Variants in ARHGEF1 observed in about 807,000 individuals in gnomAD.
ARHGEF1 encodes the protein Rho guanine nucleotide exchange factor 1, also known as 115 kDa guanine nucleotide exchange factor.
Under a neutral mutation model 119.7 loss-of-function variants are expected in ARHGEF1, and 40 were observed. That is an observed-to-expected ratio of 0.33 (90% confidence interval 0.26 to 0.44). ARHGEF1 has a LOEUF of 0.44. ARHGEF1 is among the 20% of genes least tolerant of loss of function. The pLI is 1.00. For synonymous variants in ARHGEF1, 494 were observed against 521.0 expected, an observed-to-expected ratio of 0.95 and a Z score of 0.71; for missense variants, 976 against 1,268.3, an observed-to-expected ratio of 0.77 and a Z score of 3.50.
chr19:41,921,116 C>T (rs2074839629), upstream of ARHGEF1, among the ~76,000 whole-genome samples: 1 of 152,100 alleles, frequency 6.6e-6, no homozygotes. The surrounding 1 kb of genome is among the most constrained non-coding windows in gnomAD (Gnocchi z 4.4). Context: ...TACCAAACAG[C>T]TCTGGGGGAG....
chr19:41,895,253 G>A (rs1261330931), intron 11 of ARHGEF1, 96 bp from the exon 12 acceptor site: 2 of 1,461,708 alleles, frequency 1.4e-6, no homozygotes, highest in Non-Finnish European at 1.8e-6. Flanking sequence ...GTCATGGTGG[G>A]GAAGGGCCTG....
Position 41,903,955 on chromosome 19 carries a change from A to G in ARHGEF1, c.1918-80A>G. ...CCCCAGCCTGTGGTCATCCCCGGCC[A>G]CTGCCCTGCCCTTCCCCTCCCCACC... On this transcript the variant is annotated intron_variant, in intron 20 of 28. Coordinates refer to ENST00000354532, the MANE Select transcript of ARHGEF1 (RefSeq NM_004706.4). The surrounding 1 kb of genome is among the most constrained non-coding windows in gnomAD (Gnocchi z 4.2). The G allele has an allele frequency of 6.9e-7, 1 of 1,449,370 alleles. No individual in the cohort carries two copies. The highest frequency in any genetic ancestry group is 1.2e-5 in the South Asian group (1 of 86,062). The allele number at this position is 1,449,370 out of a possible 1,614,324, so 89.8% of individuals were successfully genotyped here. A position where few individuals can be genotyped will look rare whatever the true frequency, so the allele number is the denominator to read the frequency against.
Position 41,888,221 on chromosome 19 carries a change from G to C in ARHGEF1, c.54G>C (p.Leu18=). 1.2e-6 allele frequency: 2 copies of C among 1,614,114 alleles called. No individual in the cohort carries two copies. The highest frequency in any genetic ancestry group is 8.5e-7 in the Non-Finnish European group (1 of 1,180,010). Residue 18 remains leucine, a synonymous_variant, in exon 3 of 29, where the codon CTG becomes CTC. Coordinates refer to ENST00000354532, the MANE Select transcript of ARHGEF1 (RefSeq NM_004706.4). The surrounding 1 kb of genome is among the most constrained non-coding windows in gnomAD (Gnocchi z 5.1). ...CCCCAGGCCCCTCCCGGCCTGGCCT[G>C]GTTCCCGTCAGCATCATCGGGGCTG... ...AASPGPSRPG[L]VPVSIIGAED... is the part of the protein sequence containing the mutation.
chr19:41,909,886 G>A (rs527841091), downstream of ARHGEF1: 7 of 1,613,000 alleles, frequency 4.3e-6, no homozygotes, highest in Admixed American at 1.7e-5. This position sits in a 1 kb window ranked among gnomAD's most constrained non-coding sequence, Gnocchi z 5.2. Context: ...TCAGCTTGTC[G>A]TAATTCATGT....
chr19:41,910,007 T>C (rs1299808950), downstream of ARHGEF1: 3 of 1,613,750 alleles, frequency 1.9e-6, no homozygotes, highest in African/African-American at 1.3e-5. This position sits in a 1 kb window ranked among gnomAD's most constrained non-coding sequence, Gnocchi z 4.4. Context: ...CTCCTCCTTC[T>C]GCAGCAGCTC....
Position 41,888,552 on chromosome 19 carries a change from A to G in ARHGEF1, c.112-200A>G, listed in dbSNP as rs553732846. 4.1e-4 allele frequency among the ~76,000 whole-genome samples: 62 copies of G among 152,166 alleles called. No individual in the cohort carries two copies. Among genetic ancestry groups the G allele is most frequent in the Non-Finnish European group, 7.5e-4 (51 of 67,980 alleles). On this transcript the variant is annotated intron_variant, in intron 3 of 28. Transcript: ENST00000354532. This position sits in a 1 kb window ranked among gnomAD's most constrained non-coding sequence, Gnocchi z 5.1. The stretch of plus-strand genomic sequence containing the variant: ...CTAATTTCTGTCCTCATCATCCACC[A>G]TTATAATATTAAGTCTCATCCATTC...
In ARHGEF1 at chr19:41,903,503, T is replaced by A; in HGVS notation, c.1839+96T>A. The A allele has an allele frequency of 7.9e-7, 1 of 1,258,582 alleles. No homozygotes were observed. Among genetic ancestry groups the A allele is most frequent in the Non-Finnish European group, 1.1e-6 (1 of 895,362 alleles). 78.0% of individuals were successfully genotyped at this position (1,258,582 alleles called of 1,614,324 possible). ...CTGTCCAGAAGTCACACCCCACCCC[T>A]TGGCTTGTCTCCCTCAAGGGTCACT... On this transcript the variant is annotated intron_variant, in intron 19 of 28. Transcript: ENST00000354532. The surrounding 1 kb of genome is among the most constrained non-coding windows in gnomAD (Gnocchi z 4.2).
At chr19:41,909,559 A>G (rs2074741066), downstream of ARHGEF1, 4 of 1,021,604 alleles carry the variant, frequency 3.9e-6, no homozygotes, top group Admixed American at 3.8e-5. This position sits in a 1 kb window ranked among gnomAD's most constrained non-coding sequence, Gnocchi z 5.2. Flanking sequence ...TGTCCCAGGC[A>G]TGGTGCACAG....
chr19:41,916,878 CCAGACACACT>C lies in ARHGEF1; in HGVS notation c.1866-6213_1866-6204del, dbSNP rs1285746581. Reference sequence around the variant, plus strand: ...CCTGCAGAGGTACACACAGACACACCCAGACACACTGGGTAGGGGTGGGCACTCAGAGATG... The same window carrying C: ...CCTGCAGAGGTACACACAGACACACCGGGTAGGGGTGGGCACTCAGAGATG... On this transcript the variant is annotated intron_variant, in intron 18 of 20. Transcript: ENST00000599589. This position sits in a 1 kb window ranked among gnomAD's most constrained non-coding sequence, Gnocchi z 5.4. Among the ~76,000 whole-genome samples the C allele has an allele frequency of 1.3e-5, 2 of 152,010 alleles. No individual in the cohort carries two copies. The highest frequency in any genetic ancestry group is 1.3e-4 in the Admixed American group (2 of 15,258).
At chr19:41,910,574 A>AG (rs1347308114), downstream of ARHGEF1, among the ~76,000 whole-genome samples, 2 of 151,846 alleles carry the variant, frequency 1.3e-5, no homozygotes, top group Non-Finnish European at 2.9e-5. The surrounding 1 kb of genome is among the most constrained non-coding windows in gnomAD (Gnocchi z 4.4). Context: ...CATTCCCCAG[A>AG]GCCCCCCACT....
In ARHGEF1 at chr19:41,917,385, T is replaced by C. The variant is rs1334502009; in HGVS notation, c.1866-5707T>C. 1.3e-5 allele frequency among the ~76,000 whole-genome samples: 2 copies of C among 151,692 alleles called. No homozygotes were observed. The highest frequency in any genetic ancestry group is 2.9e-5 in the Non-Finnish European group (2 of 67,938). The stretch of plus-strand genomic sequence containing the variant: ...CCCCCCTGGGCTGGGGTTTAACCAG[T>C]TGTTTTGATTTCTCTAAGCTGCGCC... On this transcript the variant is annotated intron_variant, in intron 18 of 20. Transcript: ENST00000599589. The surrounding 1 kb of genome is among the most constrained non-coding windows in gnomAD (Gnocchi z 4.8).
chr19:41,905,497 A>G lies in ARHGEF1; in HGVS notation c.2336+236A>G, dbSNP rs1386313566. The G allele has an allele frequency of 6.5e-6, 4 of 611,866 alleles. No homozygotes were observed. The highest frequency in any genetic ancestry group is 2.9e-5 in the Admixed American group (1 of 34,076). 37.9% of individuals were successfully genotyped at this position (611,866 alleles called of 1,614,324 possible). On this transcript the variant is annotated intron_variant, in intron 24 of 28. Transcript: ENST00000354532. The surrounding 1 kb of genome is among the most constrained non-coding windows in gnomAD (Gnocchi z 6.4). The stretch of plus-strand genomic sequence containing the variant: ...GCGTGTATGGTGTGTGTGTATGCAT[A>G]TGTGTGCATGCGTGTGACAGCATGT...
intron 12 of ARHGEF1, among the ~76,000 whole-genome samples, chr19:41,895,731 C>G (rs889422851): frequency 2.6e-5 from 4 of 152,128 alleles, no homozygotes; most frequent in African/African-American, 9.7e-5. Context: ...TCTCCCACCC[C>G]CTTGGACTAC....
chr19:41,896,705 T>G (rs1599647168), intron 13 of ARHGEF1: 5 of 688,892 alleles, frequency 7.3e-6, no homozygotes, highest in Non-Finnish European at 1.1e-5. Flanking sequence ...TCCTTTTTCC[T>G]CTGCTCCTTC....
chr19:41,903,550 C>T lies in ARHGEF1; in HGVS notation c.1839+143C>T. 5 of 1,096,550 alleles carry T rather than the reference C, an allele frequency of 4.6e-6. No homozygotes were observed. The South Asian group carries it at 5.7e-5, about 12-fold the overall frequency. 67.9% of individuals were successfully genotyped at this position (1,096,550 alleles called of 1,614,324 possible). ...CACTGTGTCCAGGGGTTGGCTTGGCCCTCAGCATCTCCCTCTCAGGGTCAT... is the reference window on the plus strand; with the variant it reads ...CACTGTGTCCAGGGGTTGGCTTGGCTCTCAGCATCTCCCTCTCAGGGTCAT... On this transcript the variant is annotated intron_variant, in intron 19 of 28. Transcript: ENST00000354532. This position sits in a 1 kb window ranked among gnomAD's most constrained non-coding sequence, Gnocchi z 4.2.
chr19:41,908,981 G>C (rs1370373455), downstream of ARHGEF1: 15 of 920,424 alleles, frequency 1.6e-5, no homozygotes, highest in African/African-American at 3.5e-5. The surrounding 1 kb of genome is among the most constrained non-coding windows in gnomAD (Gnocchi z 6.7). Flanking sequence ...CTCTTCTCTT[G>C]TCTTTTCTCA....
intron 18 of ARHGEF1, among the ~76,000 whole-genome samples, chr19:41,913,374 C>T (rs931690754): frequency 6.6e-6 from 1 of 151,812 alleles, no homozygotes; most frequent in Non-Finnish European, 1.5e-5. Context: ...TCTGGGTCTC[C>T]CTCTGTCTCT....
intron 11 of ARHGEF1, 62 bp from the exon 12 acceptor site, chr19:41,895,287 G>A (rs964980707): frequency 4.5e-6 from 7 of 1,545,050 alleles, no homozygotes; most frequent in Non-Finnish European, 6.1e-6. Flanking sequence ...GCATCCCCTG[G>A]CGGTTGTGGA....
In ARHGEF1 at chr19:41,905,529, A is replaced by G. The variant is rs970604335; in HGVS notation, c.2337-231A>G. 5 of 612,862 alleles carry G rather than the reference A, an allele frequency of 8.2e-6. No homozygotes were observed. Among genetic ancestry groups the G allele is most frequent in the South Asian group, 2.0e-5 (1 of 50,798 alleles). The allele number at this position is 612,862 out of a possible 1,614,324, so 38.0% of individuals were successfully genotyped here. A position where few individuals can be genotyped will look rare whatever the true frequency, so the allele number is the denominator to read the frequency against. On this transcript the variant is annotated intron_variant, in intron 24 of 28. Transcript: ENST00000354532. This position sits in a 1 kb window ranked among gnomAD's most constrained non-coding sequence, Gnocchi z 6.4. ...CATGCGTGTGACAGCATGTGCATGC[A>G]TGTGTGTGTGTGTGCGCATGTGCCG...
Sources: allele counts gnomAD v4.1 joint callset (sites outside exome capture counted in the v4.1 genomes callset), GRCh38; gene constraint gnomAD v4.1.1; non-coding constraint Gnocchi (gnomAD v3.1); transcripts MANE v1.5; gene names NCBI Gene and HGNC (gene_info 2026-07-23, HGNC 2026-07-21).